Variants in NRCAM observed in about 807,000 individuals in gnomAD.
NRCAM encodes neuronal cell adhesion molecule.
NRCAM carries 83 observed loss-of-function variants against 156.5 expected under a neutral mutation model. The ratio of observed to expected loss-of-function variants is 0.53; its 90% CI spans 0.44 to 0.64. The LOEUF (loss-of-function observed/expected upper bound fraction) is 0.64. NRCAM is among the 30% of genes least tolerant of loss of function. The pLI is 0.00. For synonymous variants in NRCAM, 538 were observed against 563.9 expected, an observed-to-expected ratio of 0.95 and a Z score of 0.65; for missense variants, 1,417 against 1,597.3, an observed-to-expected ratio of 0.89 and a Z score of 1.92.
At chr7:108,193,227 G>C (rs1397279479) in intron 17 of NRCAM, among the ~76,000 whole-genome samples, 1 of 152,172 alleles carries the variant, frequency 6.6e-6, no homozygotes, top group African/African-American at 2.4e-5. Context: ...ACTAGTTCAA[G>C]CATAAAATTA....
At chr7:108,192,336 C>T (rs1483417331) in intron 17 of NRCAM, among the ~76,000 whole-genome samples, 1 of 152,050 alleles carries the variant, frequency 6.6e-6, no homozygotes, top group Non-Finnish European at 1.5e-5. Context: ...CTGTGCTCTC[C>T]TATGACAATC....
intron 2 of NRCAM, among the ~76,000 whole-genome samples, chr7:108,388,939 C>T (rs572451330): frequency 3.3e-5 from 5 of 152,288 alleles, no homozygotes; most frequent in African/African-American, 7.2e-5. Context: ...GGTACCAGTA[C>T]CATGCTGTTT....
intron 3 of NRCAM, among the ~76,000 whole-genome samples, chr7:108,306,855 A>T (rs2098721937): frequency 6.6e-6 from 1 of 152,222 alleles, no homozygotes; most frequent in African/African-American, 2.4e-5. Flanking sequence ...CCATTTACAC[A>T]TCTCTTCCCA....
At chr7:108,305,747 A>T (rs919056897) in intron 3 of NRCAM, among the ~76,000 whole-genome samples, 3 of 152,174 alleles carry the variant, frequency 2.0e-5, no homozygotes, top group African/African-American at 7.2e-5. Context: ...TTCAAGGCAA[A>T]CCAAGAAAAT....
At chr7:108,212,467 G>C (rs1563474121) in intron 11 of NRCAM, among the ~76,000 whole-genome samples, 1 of 152,136 alleles carries the variant, frequency 6.6e-6, no homozygotes, top group Non-Finnish European at 1.5e-5. Context: ...CCAGAGAAAG[G>C]CAAAGCCCAA....
chr7:108,201,582 CAAT>C (rs1037455403), intron 13 of NRCAM, among the ~76,000 whole-genome samples: 5 of 151,930 alleles, frequency 3.3e-5, no homozygotes, highest in South Asian at 2.1e-4. Context: ...GTTTTTACCA[CAAT>C]AATAATAATA....
chr7:108,177,816 C>A (rs1341457727), intron 26 of NRCAM, among the ~76,000 whole-genome samples, 174 bp downstream of exon 26: 1 of 151,870 alleles, frequency 6.6e-6, no homozygotes, highest in African/African-American at 2.4e-5. Context: ...ATGTTTCCAA[C>A]ACAAATAAAT....
chr7:108,368,225 C>CCA (rs1383471372), intron 2 of NRCAM, among the ~76,000 whole-genome samples: 12 of 8,692 alleles, frequency 1.4e-3, no homozygotes, highest in Non-Finnish European at 1.2e-3. Context: ...CACTTTCATA[C>CCA]CCCCCCCCAC....
chr7:108,154,646 T>G (rs1158648195), intron 32 of NRCAM, among the ~76,000 whole-genome samples: 1 of 152,174 alleles, frequency 6.6e-6, no homozygotes, highest in Non-Finnish European at 1.5e-5. Flanking sequence ...TCAAAGGCAG[T>G]GAGATCTTTT....
chr7:108,165,274 C>A (rs1057299333), intron 30 of NRCAM, among the ~76,000 whole-genome samples: 1 of 152,100 alleles, frequency 6.6e-6, no homozygotes, highest in Admixed American at 6.6e-5. Context: ...GGAGACGGAA[C>A]GACAAGCTTC....
intron 28 of NRCAM, among the ~76,000 whole-genome samples, chr7:108,169,482 C>A (rs4730292): frequency 0.8 from 122,441 of 152,162 alleles, 49,625 homozygotes; most frequent in East Asian, 1. Flanking sequence ...TGTAGACGCT[C>A]AAGACCTTTG....
intron 3 of NRCAM, among the ~76,000 whole-genome samples, chr7:108,277,939 C>T (rs1233300118): frequency 6.6e-6 from 1 of 152,124 alleles, no homozygotes; most frequent in African/African-American, 2.4e-5. Context: ...ATGTCCTTTT[C>T]ATTGATGTTG....
intron 30 of NRCAM, 118 bp from the exon 31 acceptor site, chr7:108,160,610 C>T (rs1030770753): frequency 1.4e-6 from 1 of 709,918 alleles, no homozygotes; most frequent in African/African-American, 1.8e-5. Flanking sequence ...TTACATGTGG[C>T]CCCAAATTAG....
At chr7:108,305,725 A>G (rs1313196731) in intron 3 of NRCAM, among the ~76,000 whole-genome samples, 1 of 152,178 alleles carries the variant, frequency 6.6e-6, no homozygotes, top group African/African-American at 2.4e-5. Context: ...TACCCCTTCA[A>G]TTCTTGCAGA....
intron 8 of NRCAM, among the ~76,000 whole-genome samples, chr7:108,230,738 A>G (rs16872446): frequency 0.075 from 11,112 of 147,874 alleles, 594 homozygotes; most frequent in African/African-American, 0.14. Context: ...TTTTTTTTTC[A>G]TAGAACTTAT....
chr7:108,191,281 G>C lies in NRCAM; in HGVS notation c.1906C>G (p.Pro636Ala). 2 of 1,601,464 alleles carry C rather than the reference G, an allele frequency of 1.2e-6. No individual in the cohort carries two copies. Among genetic ancestry groups the C allele is most frequent in the Non-Finnish European group, 8.5e-7 (1 of 1,172,572 alleles). Residue 636 changes from proline (P) to alanine (A), a missense_variant and splice_region_variant, in exon 19 of 33, where the codon CCT (proline) becomes GCT (alanine). Around this residue, in one of 2 missense-constraint regions of NRCAM, gnomAD observed 1,238 missense variants for 1,336.4 expected, o/e 0.93. Coordinates refer to ENST00000379028, the MANE Select transcript of NRCAM (RefSeq NM_001037132.4). Reference protein sequence around the residue: ...SASAVLSVVAPTPTPAPVYDV... With the variant: ...SASAVLSVVAATPTPAPVYDV... ...TAAACGGGAGCTGGAGTTGGAGTAGGAGCTAGAAAGGACATTAATATAAAG... is the reference window on the plus strand; with the variant it reads ...TAAACGGGAGCTGGAGTTGGAGTAGCAGCTAGAAAGGACATTAATATAAAG...
intron 30 of NRCAM, among the ~76,000 whole-genome samples, chr7:108,166,253 T>C (rs906354839): frequency 2.2e-4 from 33 of 149,984 alleles, no homozygotes; most frequent in Non-Finnish European, 3.7e-4. Context: ...CTTTTCTTTT[T>C]TTTTTTTTTT....
At chr7:108,422,765 T>C (rs1811819574) in intron 1 of NRCAM, among the ~76,000 whole-genome samples, 1 of 152,132 alleles carries the variant, frequency 6.6e-6, no homozygotes, top group South Asian at 2.1e-4. Flanking sequence ...TATTTTCCTT[T>C]CTAAATATAT....
intron 1 of NRCAM, among the ~76,000 whole-genome samples, chr7:108,399,858 C>A (rs941279361): frequency 6.6e-6 from 1 of 151,906 alleles, no homozygotes; most frequent in African/African-American, 2.4e-5. Context: ...TCTGAATTAC[C>A]CCTAAATAGC....
Sources: allele counts gnomAD v4.1 joint callset (sites outside exome capture counted in the v4.1 genomes callset), GRCh38; gene constraint gnomAD v4.1.1; regional missense constraint gnomAD v4.1.1; transcripts MANE v1.5; gene names NCBI Gene and HGNC (gene_info 2026-07-23, HGNC 2026-07-21).